The following WDPCP variants were observed in gnomAD, a reference collection of about 807,000 sequenced individuals.
WDPCP encodes WD repeat containing planar cell polarity effector, also known as WD repeat-containing and planar cell polarity effector protein fritz homolog.
A neutral mutation model predicts 93.1 loss-of-function variants in WDPCP; 71 were observed. The ratio of observed to expected loss-of-function variants is 0.76; its 90% confidence interval spans 0.63 to 0.93. WDPCP has a LOEUF of 0.93. Among genes scored for constraint, WDPCP ranks in the 40% least tolerant of loss-of-function variants. The pLI is 0.00. For missense variants in WDPCP, 844 were observed against 887.4 expected (o/e 0.95, Z 0.62); for synonymous variants, 315 against 315.0 (o/e 1.00, Z 0.00).
chr2:63,622,859 C>A, intron 3 of WDPCP: 1 of 1,577,396 alleles, frequency 6.3e-7, no homozygotes. Flanking sequence ...GCTCAGCACC[C>A]GCGCAGCATC....
intron 2 of WDPCP, among the ~76,000 whole-genome samples, chr2:63,673,352 T>A (rs1324908657): frequency 1.3e-5 from 2 of 152,202 alleles, no homozygotes; most frequent in Non-Finnish European, 2.9e-5. Flanking sequence ...GGAATTGTTT[T>A]CAGACCACAA....
intron 12 of WDPCP, among the ~76,000 whole-genome samples, chr2:63,323,818 CT>C (rs1687312617): frequency 6.6e-6 from 1 of 152,146 alleles, no homozygotes. Flanking sequence ...CTCAGTCCCC[CT>C]TGTGGTCTGG....
At chr2:63,642,008 A>G (rs1453787908) in intron 3 of WDPCP, among the ~76,000 whole-genome samples, 1 of 152,170 alleles carries the variant, frequency 6.6e-6, no homozygotes, top group Non-Finnish European at 1.5e-5. Context: ...TCTTCTGCAT[A>G]TGAATATGCA....
chr2:63,630,258 T>G (rs1709851433), intron 3 of WDPCP, among the ~76,000 whole-genome samples: 1 of 151,578 alleles, frequency 6.6e-6, no homozygotes, highest in Non-Finnish European at 1.5e-5. Flanking sequence ...AAAGCAAAAA[T>G]GAAGTGGCAG....
intron 2 of WDPCP, among the ~76,000 whole-genome samples, chr2:63,727,636 TA>T (rs1669510034): frequency 6.6e-6 from 1 of 152,214 alleles, no homozygotes; most frequent in Admixed American, 6.5e-5. Context: ...TGCCAACTCT[TA>T]TTTATATGTC....
chr2:63,653,659 C>G (rs1301351432), intron 2 of WDPCP, among the ~76,000 whole-genome samples: 1 of 152,126 alleles, frequency 6.6e-6, no homozygotes, highest in African/African-American at 2.4e-5. Flanking sequence ...GCCTGTAATC[C>G]CAGCACTTTG....
At chr2:63,313,887 T>TA (rs1268057820) in intron 12 of WDPCP, among the ~76,000 whole-genome samples, 64 of 57,648 alleles carry the variant, frequency 1.1e-3, no homozygotes, top group South Asian at 0.01. Flanking sequence ...TATATATATA[T>TA]TTTTTTTTTT....
chr2:63,808,428 C>T (rs1351800051), intron 2 of WDPCP, among the ~76,000 whole-genome samples: 1 of 151,272 alleles, frequency 6.6e-6, no homozygotes, highest in Admixed American at 6.6e-5. Context: ...TCTCGGCTCA[C>T]TGCAGCCTCC....
At chr2:63,416,631 C>A (rs1695449858) in intron 9 of WDPCP, among the ~76,000 whole-genome samples, 2 of 151,878 alleles carry the variant, frequency 1.3e-5, no homozygotes, top group East Asian at 1.9e-4. Flanking sequence ...TCAAACGATT[C>A]TCATGCCTCA....
chr2:63,692,656 A>G (rs1668907175), intron 2 of WDPCP, among the ~76,000 whole-genome samples: 1 of 152,232 alleles, frequency 6.6e-6, no homozygotes, highest in African/African-American at 2.4e-5. Context: ...TCTCTTTTAG[A>G]TAGGCCTTAA....
At chr2:63,588,752 CAG>C (rs2106587828), upstream of WDPCP, 1 of 523,040 alleles carries the variant, frequency 1.9e-6, no homozygotes, top group African/African-American at 1.9e-5. Flanking sequence ...CCTCCAATCA[CAG>C]GGGCTCATCC....
At chr2:63,241,528 T>A (rs1679857870) in intron 14 of WDPCP, among the ~76,000 whole-genome samples, 1 of 152,156 alleles carries the variant, frequency 6.6e-6, no homozygotes, top group Non-Finnish European at 1.5e-5. Flanking sequence ...TAAGAGCAAA[T>A]CTTTACCTTC....
At chr2:63,297,540 A>G (rs1299547343) in intron 13 of WDPCP, among the ~76,000 whole-genome samples, 2 of 152,166 alleles carry the variant, frequency 1.3e-5, no homozygotes, top group Non-Finnish European at 2.9e-5. Context: ...GGAGCATTTC[A>G]GCCAGATGCT....
At chr2:63,183,730 G>A (rs1279800108) in intron 14 of WDPCP, among the ~76,000 whole-genome samples, 1 of 152,042 alleles carries the variant, frequency 6.6e-6, no homozygotes, top group Non-Finnish European at 1.5e-5. Flanking sequence ...CAGTGTTGAA[G>A]TCTCCCACCA....
At chr2:63,626,545 C>T (rs927147365) in intron 3 of WDPCP, among the ~76,000 whole-genome samples, 3 of 152,182 alleles carry the variant, frequency 2.0e-5, no homozygotes, top group Non-Finnish European at 2.9e-5. Flanking sequence ...CAAAAGAAGA[C>T]ATTTATGCAG....
intron 6 of WDPCP, among the ~76,000 whole-genome samples, chr2:63,453,820 CA>C (rs1229914089): frequency 6.6e-6 from 1 of 151,620 alleles, no homozygotes; most frequent in Non-Finnish European, 1.5e-5. Context: ...AGGAAACCAT[CA>C]TTCTCAGCAA....
At chr2:63,128,525 A>G (rs989156619) in intron 17 of WDPCP, among the ~76,000 whole-genome samples, 2 of 152,006 alleles carry the variant, frequency 1.3e-5, no homozygotes, top group Non-Finnish European at 2.9e-5. Flanking sequence ...TTTTAAGTGT[A>G]TACTTTAGTG....
chr2:63,578,945 T>C (rs1324531405), intron 1 of WDPCP, among the ~76,000 whole-genome samples: 3 of 152,180 alleles, frequency 2.0e-5, no homozygotes, highest in Non-Finnish European at 4.4e-5. Flanking sequence ...ACAGTTTGGC[T>C]TTCCCTGGGT....
chr2:63,642,383 AT>A (rs753851110), intron 3 of WDPCP: 2 of 151,382 alleles, frequency 1.3e-5, no homozygotes, highest in Non-Finnish European at 2.9e-5. Context: ...ATTGCATTGA[AT>A]TTGTAGATTG....
Sources: gnomAD v4.1 joint callset for allele counts (sites outside exome capture counted in the v4.1 genomes callset) on GRCh38, gnomAD v4.1.1 for gene constraint, MANE v1.5 for transcripts, NCBI Gene and HGNC (gene_info 2026-07-23, HGNC 2026-07-21) for gene names.